Variants in AKAP6 observed in about 807,000 individuals in gnomAD.
The protein encoded by AKAP6 is A-kinase anchoring protein 6, also known as A-kinase anchor protein 6.
Under a neutral mutation model 188.5 loss-of-function variants are expected in AKAP6, and 58 were observed. That is an observed-to-expected ratio of 0.31 (90% CI 0.25 to 0.38). AKAP6 has a LOEUF of 0.38. Ranked by LOEUF, AKAP6 falls within the 10% of genes least tolerant of loss-of-function variation. The pLI is 1.00. For synonymous variants in AKAP6, 989 were observed against 998.6 expected, an observed-to-expected ratio of 0.99 and a Z score of 0.18; for missense variants, 2,710 against 2,740.0, an observed-to-expected ratio of 0.99 and a Z score of 0.24.
intron 12 of AKAP6, among the ~76,000 whole-genome samples, chr14:32,808,785 C>T (rs1293932530): frequency 9.2e-5 from 14 of 152,058 alleles, no homozygotes; most frequent in Admixed American, 5.2e-4. Flanking sequence ...GTGTCATCAC[C>T]GTAGCTCTAA....
At chr14:32,638,088 A>T (rs1161315280) in intron 7 of AKAP6, among the ~76,000 whole-genome samples, 1 of 152,082 alleles carries the variant, frequency 6.6e-6, no homozygotes, top group African/African-American at 2.4e-5. Flanking sequence ...GAACACAAAG[A>T]CTGACTGTCT....
intron 2 of AKAP6, among the ~76,000 whole-genome samples, chr14:32,485,743 T>C (rs1247389780): frequency 6.6e-6 from 1 of 152,116 alleles, no homozygotes; most frequent in Admixed American, 6.5e-5. Context: ...GATTGCAAAA[T>C]TTTTCTCCCA....
rs1424310854 is a variant in AKAP6, at chr14:32,337,746, T to C, written c.-35+8338T>C. On this transcript the variant is annotated intron_variant, in intron 1 of 13. Transcript: ENST00000280979. ...CCTCCCCCCACCCCACAACAGTCCCTGGTGTGTGATGTTCCCCTTCCTGGA... is the reference window on the plus strand; with the variant it reads ...CCTCCCCCCACCCCACAACAGTCCCCGGTGTGTGATGTTCCCCTTCCTGGA... Among the ~76,000 whole-genome samples the C allele has an allele frequency of 6.1e-5, 8 of 131,880 alleles. No homozygotes were observed. In the Admixed American group the frequency reaches 6.3e-4, roughly 10 times the overall value. The allele number at this position is 131,880 out of a possible 152,430, so 86.5% of individuals were successfully genotyped here.
At chr14:32,355,666 C>G (rs1887458627) in intron 1 of AKAP6, among the ~76,000 whole-genome samples, 1 of 152,000 alleles carries the variant, frequency 6.6e-6, no homozygotes, top group Admixed American at 6.5e-5. Flanking sequence ...AATTTTGAAC[C>G]AATAATGAGT....
At position 32,581,977 on chromosome 14, in the gene AKAP6, G is replaced by A. The variant is rs577541166; in HGVS notation, c.2469+4735G>A. Among the ~76,000 whole-genome samples the A allele has an allele frequency of 4.6e-5, 7 of 152,182 alleles. No homozygotes were observed. In the East Asian group the frequency reaches 5.8e-4, roughly 13 times the overall value. ...TGCCAGTCTGTGTCTTTTAATTGGA[G>A]CATTTAGTCCATTTACATTTAAAGT... On this transcript the variant is annotated intron_variant, in intron 5 of 13. Transcript: ENST00000280979.
chr14:32,353,813 A>G (rs923618198), intron 1 of AKAP6, among the ~76,000 whole-genome samples: 7 of 152,134 alleles, frequency 4.6e-5, no homozygotes, highest in Non-Finnish European at 8.8e-5. Flanking sequence ...ATACGCCAAT[A>G]ACAGACAAAC....
At chr14:32,416,926 C>T (rs758863787) in intron 1 of AKAP6, among the ~76,000 whole-genome samples, 7 of 152,100 alleles carry the variant, frequency 4.6e-5, no homozygotes, top group Non-Finnish European at 8.8e-5. Context: ...CTGCAACTTC[C>T]GCCTCCTGGG....
intron 1 of AKAP6, among the ~76,000 whole-genome samples, chr14:32,356,937 C>T (rs1366402186): frequency 2.0e-5 from 3 of 151,934 alleles, no homozygotes; most frequent in Non-Finnish European, 2.9e-5. Flanking sequence ...TTCTTCATTC[C>T]CATGCTTGCA....
chr14:32,514,714 A>G (rs576206730), intron 2 of AKAP6, among the ~76,000 whole-genome samples: 1 of 152,228 alleles, frequency 6.6e-6, no homozygotes, highest in African/African-American at 2.4e-5. Context: ...ATCTTAAATG[A>G]CTGTAATGAA....
At chr14:32,809,397 C>A (rs2034166957) in intron 12 of AKAP6, among the ~76,000 whole-genome samples, 1 of 152,182 alleles carries the variant, frequency 6.6e-6, no homozygotes, top group Admixed American at 6.5e-5. Context: ...CCTTTTTTAT[C>A]CAGCAAGCTA....
At chr14:32,735,580 G>GT in intron 10 of AKAP6, 78 bp from the exon 11 acceptor site, 1 of 1,131,600 alleles carries the variant, frequency 8.8e-7, no homozygotes, top group East Asian at 2.4e-5. Flanking sequence ...GTTAATCTAT[G>GT]TTTTTGTTTT....
At chr14:32,617,305 C>T (rs1040994853) in intron 7 of AKAP6, among the ~76,000 whole-genome samples, 1 of 152,004 alleles carries the variant, frequency 6.6e-6, no homozygotes, top group Non-Finnish European at 1.5e-5. Flanking sequence ...TTTAATCCTC[C>T]CCATTATCAG....
Position 32,546,254 on chromosome 14 carries a change from T to G in AKAP6, c.1601T>G (p.Leu534Arg). Residue 534 changes from leucine to arginine, a missense_variant, in exon 4 of 14, where the codon CTT becomes CGT. Transcript: ENST00000280979. Reference protein sequence around the residue: ...TKSSAVPNGELSYTSKAIEGP... With the variant: ...TKSSAVPNGERSYTSKAIEGP... The stretch of plus-strand genomic sequence containing the variant: ...AGCTCAGCAGTGCCAAATGGAGAGC[T>G]TTCTTATACTTCCAAGGCCATAGAG... 1 of 1,614,154 alleles carries G rather than the reference T, an allele frequency of 6.2e-7. No homozygotes were observed. Among genetic ancestry groups the G allele is most frequent in the Non-Finnish European group, 8.5e-7 (1 of 1,180,024 alleles).
intron 1 of AKAP6, among the ~76,000 whole-genome samples, chr14:32,409,628 C>G (rs1162823238): frequency 1.3e-5 from 2 of 152,122 alleles, no homozygotes; most frequent in Non-Finnish European, 1.5e-5. Context: ...GTGTGGTTCT[C>G]ATTAAAAAGT....
chr14:32,793,775 G>A (rs962703693), intron 12 of AKAP6, among the ~76,000 whole-genome samples: 8 of 151,664 alleles, frequency 5.3e-5, no homozygotes, highest in African/African-American at 1.7e-4. Context: ...TTAAATAATG[G>A]TAAAGGCTTC....
chr14:32,569,025 G>A (rs533659532), intron 4 of AKAP6, among the ~76,000 whole-genome samples: 88 of 152,248 alleles, frequency 5.8e-4, no homozygotes, highest in Non-Finnish European at 9.4e-4. Flanking sequence ...CCCATCATAA[G>A]AGTTAGGAAT....
chr14:32,332,178 A>G (rs1352040131), intron 1 of AKAP6, among the ~76,000 whole-genome samples: 3 of 152,116 alleles, frequency 2.0e-5, no homozygotes, highest in Non-Finnish European at 4.4e-5. Flanking sequence ...GTAGTTAATA[A>G]GTGATTGGGC....
At chr14:32,514,979 TCAGGGCCTGTGG>T (rs1881444099) in intron 2 of AKAP6, among the ~76,000 whole-genome samples, 1 of 152,146 alleles carries the variant, frequency 6.6e-6, no homozygotes, top group Admixed American at 6.5e-5. Flanking sequence ...CACTGTTATT[TCAGGGCCTGTGG>T]CAGGGTGACC....
intron 4 of AKAP6, 77 bp downstream of exon 4, chr14:32,547,076 C>G: frequency 5.4e-6 from 7 of 1,297,488 alleles, no homozygotes; most frequent in Non-Finnish European, 7.4e-6. Flanking sequence ...CACACTCCTA[C>G]ACTCTATTAT....
Sources: allele counts gnomAD v4.1 joint callset (sites outside exome capture counted in the v4.1 genomes callset), GRCh38; gene constraint gnomAD v4.1.1; transcripts MANE v1.5; gene names NCBI Gene and HGNC (gene_info 2026-07-23, HGNC 2026-07-21).